Variants in RAB2A observed in about 807,000 individuals in gnomAD.
RAB2A encodes ras-related protein Rab-2A.
In RAB2A, 7 loss-of-function variants were observed where a neutral mutation model predicts 32.5. The observed-to-expected ratio is 0.22, with a 90% confidence interval of 0.12 to 0.40. RAB2A has a LOEUF of 0.40. RAB2A is among the 10% of genes least tolerant of loss of function. The pLI is 1.00. For missense variants in RAB2A, 108 were observed against 260.7 expected, an observed-to-expected ratio of 0.41 and a Z score of 4.03; for synonymous variants, 79 against 85.2, an observed-to-expected ratio of 0.93 and a Z score of 0.40.
intron 2 of RAB2A, among the ~76,000 whole-genome samples, chr8:60,559,859 G>C (rs1184629082): frequency 1.3e-5 from 2 of 152,140 alleles, no homozygotes; most frequent in African/African-American, 2.4e-5. Context: ...CTTATGTTCT[G>C]TGTGTTTTTA....
intron 2 of RAB2A, among the ~76,000 whole-genome samples, chr8:60,568,562 A>G (rs1053897365): frequency 1.3e-5 from 2 of 152,242 alleles, no homozygotes; most frequent in Non-Finnish European, 2.9e-5. Flanking sequence ...TGAGAAAACT[A>G]AGACAAAGAA....
At chr8:60,602,706 A>G (rs1789807348) in intron 6 of RAB2A, among the ~76,000 whole-genome samples, 1 of 152,224 alleles carries the variant, frequency 6.6e-6, no homozygotes, top group Admixed American at 6.5e-5. Context: ...AAGGAGGTAA[A>G]TGTTAGGCAT....
At chr8:60,584,973 T>A (rs574483470) in intron 5 of RAB2A, among the ~76,000 whole-genome samples, 158 bp downstream of exon 5, 90 of 152,370 alleles carry the variant, frequency 5.9e-4, no homozygotes, top group African/African-American at 2.1e-3. Flanking sequence ...TTTAAAATGA[T>A]GTTAATAAGC....
chr8:60,578,000 G>T (rs1415048507), intron 3 of RAB2A, among the ~76,000 whole-genome samples: 2 of 152,098 alleles, frequency 1.3e-5, no homozygotes, highest in African/African-American at 2.4e-5. Context: ...TAATGCTTGG[G>T]CAAGGGACAG....
At chr8:60,575,478 C>T (rs549327973) in intron 3 of RAB2A, among the ~76,000 whole-genome samples, 2 of 152,070 alleles carry the variant, frequency 1.3e-5, no homozygotes, top group East Asian at 1.9e-4. Context: ...TACAGTGTGT[C>T]TGTACATTTG....
intron 1 of RAB2A, among the ~76,000 whole-genome samples, chr8:60,551,668 T>C (rs9298039): frequency 0.53 from 80,994 of 151,962 alleles, 24,447 homozygotes; most frequent in African/African-American, 0.83. Context: ...AGAAACTGTA[T>C]TTCAGATTTT....
chr8:60,604,245 A>G (rs1457177375), intron 6 of RAB2A, among the ~76,000 whole-genome samples: 1 of 152,228 alleles, frequency 6.6e-6, no homozygotes, highest in Non-Finnish European at 1.5e-5. Flanking sequence ...CTGAGCAGAT[A>G]CCACTATCAT....
At position 60,622,572 on chromosome 8, in the gene RAB2A, C is replaced by G. The variant is rs1484031289; in HGVS notation, c.*1803C>G. ...AACTAGGACAGGTACTGCTCTATAC[C>G]AAGAAGAGAATGATTCTTTGGAAAT... is the stretch of plus-strand genomic sequence containing the variant. On this transcript the variant is annotated 3_prime_UTR_variant, in exon 8 of 8. Coordinates refer to ENST00000262646, the MANE Select transcript of RAB2A (RefSeq NM_002865.3). 6.6e-6 allele frequency: 1 copy of G among 152,100 alleles called. No individual in the cohort carries two copies. Among genetic ancestry groups the G allele is most frequent in the East Asian group, 1.9e-4 (1 of 5,200 alleles). 9.4% of individuals were successfully genotyped at this position (152,100 alleles called of 1,614,324 possible).
At chr8:60,610,328 G>C (rs1183650136) in intron 6 of RAB2A, among the ~76,000 whole-genome samples, 1 of 152,178 alleles carries the variant, frequency 6.6e-6, no homozygotes, top group African/African-American at 2.4e-5. Context: ...AAGACTACCA[G>C]TTTCAAGTCC....
chr8:60,559,950 T>C (rs1293526322), intron 2 of RAB2A, among the ~76,000 whole-genome samples: 2 of 152,276 alleles, frequency 1.3e-5, no homozygotes, highest in East Asian at 3.8e-4. Context: ...TAGTACTTTG[T>C]GGATATATTG....
chr8:60,528,001 C>T (rs1391122727), intron 1 of RAB2A, among the ~76,000 whole-genome samples: 2 of 152,116 alleles, frequency 1.3e-5, no homozygotes, highest in Admixed American at 1.3e-4. Flanking sequence ...GGAACATGAA[C>T]CCAGGTTTTT....
chr8:60,604,770 T>A (rs1304612096), intron 6 of RAB2A, among the ~76,000 whole-genome samples: 1 of 152,126 alleles, frequency 6.6e-6, no homozygotes, highest in Non-Finnish European at 1.5e-5. Flanking sequence ...TAATAGCCTA[T>A]CTCATATGTG....
intron 1 of RAB2A, among the ~76,000 whole-genome samples, chr8:60,550,294 T>TCAG (rs1807825460): frequency 1.3e-5 from 2 of 151,636 alleles, no homozygotes; most frequent in African/African-American, 4.8e-5. Context: ...GCCTCACAAA[T>TCAG]TCAATTTGAA....
chr8:60,608,220 A>T (rs1804269079), intron 6 of RAB2A, among the ~76,000 whole-genome samples: 1 of 152,248 alleles, frequency 6.6e-6, no homozygotes. Context: ...ATAAAAACAT[A>T]TCATGCATAA....
At chr8:60,547,708 C>T (rs1807761445) in intron 1 of RAB2A, among the ~76,000 whole-genome samples, 2 of 110,084 alleles carry the variant, frequency 1.8e-5, no homozygotes, top group African/African-American at 3.4e-5. Flanking sequence ...GGGGGGCTGA[C>T]CCCCCCACCT....
intron 1 of RAB2A, among the ~76,000 whole-genome samples, chr8:60,533,781 G>A (rs1212960475): frequency 6.6e-6 from 1 of 152,128 alleles, no homozygotes; most frequent in Non-Finnish European, 1.5e-5. Flanking sequence ...GACCAGCCTG[G>A]CCAACATGGC....
chr8:60,528,254 A>G (rs1344907914), intron 1 of RAB2A, among the ~76,000 whole-genome samples: 1 of 152,228 alleles, frequency 6.6e-6, no homozygotes, highest in Non-Finnish European at 1.5e-5. Flanking sequence ...TGGGCAACCC[A>G]TTTGATCTTT....
intron 6 of RAB2A, among the ~76,000 whole-genome samples, chr8:60,592,297 G>A (rs1159368217): frequency 1.3e-5 from 2 of 152,110 alleles, no homozygotes; most frequent in East Asian, 1.9e-4. Context: ...GGAGAATAGT[G>A]TAGTCCTATT....
At chr8:60,595,165 A>G (rs1346828143) in intron 6 of RAB2A, among the ~76,000 whole-genome samples, 1 of 152,220 alleles carries the variant, frequency 6.6e-6, no homozygotes, top group Non-Finnish European at 1.5e-5. Context: ...AACACCATAA[A>G]GGAAGAAAAA....
Sources: gnomAD v4.1 joint callset for allele counts (sites outside exome capture counted in the v4.1 genomes callset) on GRCh38, gnomAD v4.1.1 for gene constraint, MANE v1.5 for transcripts, NCBI Gene and HGNC (gene_info 2026-07-23, HGNC 2026-07-21) for gene names.